RAD51B: variants seen among roughly 807,000 people sequenced by gnomAD.
RAD51B encodes DNA repair protein RAD51 homolog 2.
RAD51B carries 38 observed loss-of-function variants against 42.2 expected under a neutral mutation model. That is an observed-to-expected ratio of 0.90 (90% CI 0.70 to 1.18). RAD51B has a LOEUF of 1.18. RAD51B is among the 50% of genes most tolerant of loss of function. RAD51B has a pLI of 0.00. For synonymous variants in RAD51B, 154 were observed against 145.2 expected (o/e 1.06, Z -0.43); for missense variants, 373 against 400.7 (o/e 0.93, Z 0.59).
intron 10 of RAD51B, among the ~76,000 whole-genome samples, chr14:68,567,976 C>A (rs1889505857): frequency 6.6e-6 from 1 of 152,154 alleles, no homozygotes; most frequent in Admixed American, 6.5e-5. Flanking sequence ...CCTGGAGTTA[C>A]ACAAGTTATA....
downstream of RAD51B, among the ~76,000 whole-genome samples, chr14:68,482,794 A>T (rs572460385): frequency 3.9e-5 from 6 of 152,340 alleles, no homozygotes; most frequent in African/African-American, 1.4e-4. Context: ...CAGATGGAAC[A>T]CATATTTTCC....
In RAD51B at chr14:67,880,197, A is replaced by C. The variant is rs533589406; in HGVS notation, c.453-5672A>C. Among the ~76,000 whole-genome samples, 25 of 152,346 alleles carry C rather than the reference A, an allele frequency of 1.6e-4. No individual in the cohort carries two copies. In the East Asian group the frequency reaches 3.9e-3, roughly 23 times the overall value. ...TCATGGTAGCAGATGTAAGTTTTTT[A>C]GGAATCTGATTTTTCATTAAAAGCT... On this transcript the variant is annotated intron_variant, in intron 5 of 10. Coordinates refer to ENST00000471583, the MANE Select transcript of RAD51B (RefSeq NM_133510.4).
At chr14:67,989,998 T>C (rs2075267337) in intron 7 of RAD51B, among the ~76,000 whole-genome samples, 1 of 145,588 alleles carries the variant, frequency 6.9e-6, no homozygotes, top group Non-Finnish European at 1.5e-5. Flanking sequence ...TAACATCTTT[T>C]TTTTTTTTTT....
intron 7 of RAD51B, among the ~76,000 whole-genome samples, chr14:68,228,152 A>G (rs1447966033): frequency 6.6e-6 from 1 of 152,124 alleles, no homozygotes; most frequent in Non-Finnish European, 1.5e-5. Flanking sequence ...TCTGAAAATC[A>G]GGTTTCTGTA....
At chr14:68,317,786 G>A (rs541186904) in intron 8 of RAD51B, among the ~76,000 whole-genome samples, 31 of 152,318 alleles carry the variant, frequency 2.0e-4, no homozygotes, top group African/African-American at 7.5e-4. Flanking sequence ...GCTTTTGCCC[G>A]GCATGGGTAA....
In RAD51B at chr14:68,116,441, T is replaced by C. The variant is rs185466926; in HGVS notation, c.757-175443T>C. 5.6e-3 allele frequency among the ~76,000 whole-genome samples: 855 copies of C among 152,188 alleles called. 5 individuals are homozygous for C. The highest frequency in any genetic ancestry group is 0.02 in the African/African-American group (819 of 41,542). On this transcript the variant is annotated intron_variant, in intron 7 of 10. Coordinates refer to ENST00000471583, the MANE Select transcript of RAD51B (RefSeq NM_133510.4). ...AGTAGCATGATTTGAAGTGATTCAT[T>C]CAAAAAATGTATAAAATCAGAGTAA...
chr14:68,647,748 T>G (rs61987115), intron 10 of RAD51B, among the ~76,000 whole-genome samples: 18,116 of 152,000 alleles, frequency 0.12, 1,108 homozygotes, highest in Non-Finnish European at 0.13. Flanking sequence ...GTGCAATCTT[T>G]GCTCACCGCA....
intron 7 of RAD51B, among the ~76,000 whole-genome samples, chr14:67,943,680 T>C (rs2045285017): frequency 6.6e-6 from 1 of 152,178 alleles, no homozygotes; most frequent in South Asian, 2.1e-4. Context: ...GGTGGCATAT[T>C]GATTAAGTAC....
intron 5 of RAD51B, among the ~76,000 whole-genome samples, chr14:67,875,885 A>C (rs540810034): frequency 6.6e-6 from 1 of 152,186 alleles, no homozygotes; most frequent in Non-Finnish European, 1.5e-5. Context: ...ACATATTGAC[A>C]TATTTGCTTG....
At chr14:68,117,952 G>T (rs907149226) in intron 7 of RAD51B, among the ~76,000 whole-genome samples, 1 of 152,012 alleles carries the variant, frequency 6.6e-6, no homozygotes, top group Admixed American at 6.6e-5. Context: ...ACTTAAAGTC[G>T]CACTACATTT....
intron 9 of RAD51B, among the ~76,000 whole-genome samples, chr14:68,439,283 T>C (rs935105162): frequency 6.6e-6 from 1 of 151,928 alleles, no homozygotes; most frequent in Non-Finnish European, 1.5e-5. Context: ...CCCACTCTAG[T>C]TGGGCAGCTC....
intron 7 of RAD51B, among the ~76,000 whole-genome samples, chr14:68,087,403 T>TA (rs1191038683): frequency 2.2e-4 from 34 of 152,166 alleles, no homozygotes; most frequent in African/African-American, 8.0e-4. Flanking sequence ...TCTACCTTAA[T>TA]TAGCAAAGAT....
chr14:67,966,824 G>A (rs2074788899), intron 7 of RAD51B, among the ~76,000 whole-genome samples: 1 of 152,158 alleles, frequency 6.6e-6, no homozygotes, highest in South Asian at 2.1e-4. Context: ...AGTATGTAGA[G>A]ATAATTTATC....
chr14:68,396,035 A>G (rs1285085253), intron 8 of RAD51B, among the ~76,000 whole-genome samples: 1 of 152,186 alleles, frequency 6.6e-6, no homozygotes, highest in African/African-American at 2.4e-5. Flanking sequence ...GAAATATCTA[A>G]AACAAGGACG....
intron 7 of RAD51B, among the ~76,000 whole-genome samples, chr14:67,904,441 T>G (rs1380776990): frequency 6.6e-6 from 1 of 152,016 alleles, no homozygotes; most frequent in Non-Finnish European, 1.5e-5. Flanking sequence ...TAATAGCTAT[T>G]CTGACTGGTG....
intron 7 of RAD51B, among the ~76,000 whole-genome samples, chr14:68,045,046 C>G (rs1264970123): frequency 6.6e-6 from 1 of 151,796 alleles, no homozygotes; most frequent in Non-Finnish European, 1.5e-5. Context: ...TTGAGACCAG[C>G]CTCATCATGG....
At chr14:68,510,147 C>G (rs1307264658) in intron 10 of RAD51B, among the ~76,000 whole-genome samples, 1 of 152,194 alleles carries the variant, frequency 6.6e-6, no homozygotes, top group Non-Finnish European at 1.5e-5. Context: ...GGATCTGTCT[C>G]CCCTACTGCC....
At chr14:67,839,841 G>C (rs1306274174) in intron 4 of RAD51B, among the ~76,000 whole-genome samples, 1 of 151,650 alleles carries the variant, frequency 6.6e-6, no homozygotes, top group Non-Finnish European at 1.5e-5. Flanking sequence ...ATTCTATTTT[G>C]AGATATAGTA....
At chr14:68,433,006 G>A (rs2085051895) in intron 9 of RAD51B, among the ~76,000 whole-genome samples, 2 of 152,144 alleles carry the variant, frequency 1.3e-5, no homozygotes, top group South Asian at 4.1e-4. Context: ...CTTCACTTAT[G>A]AAGCTTAGTT....
Sources: allele counts gnomAD v4.1 joint callset (sites outside exome capture counted in the v4.1 genomes callset), GRCh38; gene constraint gnomAD v4.1.1; transcripts MANE v1.5; gene names NCBI Gene and HGNC (gene_info 2026-07-23, HGNC 2026-07-21).